SRGAP3: variants seen among roughly 807,000 people sequenced by gnomAD.
SRGAP3 encodes SLIT-ROBO Rho GTPase-activating protein 3.
SRGAP3 carries 39 observed loss-of-function variants against 121.1 expected under a neutral mutation model. That is an observed-to-expected ratio of 0.32 (90% CI 0.25 to 0.42). SRGAP3 has a LOEUF of 0.42. Ranked by LOEUF, SRGAP3 falls within the 10% of genes least tolerant of loss-of-function variation. The probability of loss-of-function intolerance (pLI) is 1.00; values close to 1 mark genes in which losing one functional copy is unlikely to be tolerated. For missense variants in SRGAP3, 1,213 were observed against 1,470.6 expected, an observed-to-expected ratio of 0.82 and a Z score of 2.86; for synonymous variants, 601 against 570.0, an observed-to-expected ratio of 1.05 and a Z score of -0.77.
intron 1 of SRGAP3, chr3:9,192,501 C>T (rs1232458302): frequency 1.3e-5 from 2 of 152,196 alleles, no homozygotes; most frequent in African/African-American, 2.4e-5. Flanking sequence ...TTGGGTTTCC[C>T]TGCTATGTTT....
chr3:9,347,779 C>T (rs760525341), intron 1 of SRGAP3, among the ~76,000 whole-genome samples: 12 of 152,268 alleles, frequency 7.9e-5, no homozygotes, highest in Middle Eastern at 3.4e-3. Flanking sequence ...ACAAAGCTTA[C>T]AAAAGGATGT....
intron 10 of SRGAP3, among the ~76,000 whole-genome samples, chr3:9,038,947 C>T (rs1944897673): frequency 1.3e-5 from 2 of 152,188 alleles, no homozygotes; most frequent in Admixed American, 6.5e-5. Context: ...ATCCTCATTT[C>T]TCTGCTCTTC....
rs755227276 is a variant in SRGAP3, at chr3:9,038,094, C to A, written c.1409-4G>T. ...GTGCCGCATTCTGCTCTTTCCCCTG[C>A]AAAGAAAAGTATACATGAATGTTTA... On this transcript the variant is annotated splice_polypyrimidine_tract_variant and splice_region_variant and intron_variant, in intron 10 of 21. Coordinates refer to ENST00000383836, the MANE Select transcript of SRGAP3 (RefSeq NM_014850.4). 6.2e-7 allele frequency: 1 copy of A among 1,614,158 alleles called. No homozygotes were observed. The highest frequency in any genetic ancestry group is 8.5e-7 in the Non-Finnish European group (1 of 1,180,026).
chr3:9,180,346 C>G (rs561429504), intron 1 of SRGAP3, among the ~76,000 whole-genome samples: 10 of 152,332 alleles, frequency 6.6e-5, no homozygotes, highest in Non-Finnish European at 1.0e-4. Flanking sequence ...ATAAGAGTTA[C>G]AGCAGGGTGA....
chr3:9,172,404 A>G (rs1951016059), intron 1 of SRGAP3, among the ~76,000 whole-genome samples: 1 of 152,132 alleles, frequency 6.6e-6, no homozygotes. Flanking sequence ...CACCTGCCCA[A>G]ATGACCTCAT....
At chr3:9,036,061 T>C (rs139003173) in intron 11 of SRGAP3, 18 of 152,360 alleles carry the variant, frequency 1.2e-4, no homozygotes, top group African/African-American at 4.1e-4. Context: ...GCTTTTAAAC[T>C]TAAGTGCATT....
At chr3:9,314,336 A>C (rs1333364608) in intron 3 of SRGAP3, among the ~76,000 whole-genome samples, 1 of 152,100 alleles carries the variant, frequency 6.6e-6, no homozygotes, top group African/African-American at 2.4e-5. Flanking sequence ...TGAGAGTATC[A>C]CTTGAGCCTG....
At chr3:9,359,458 AGCATGGACAACCATGCTCATGATTGAG>A (rs1184200079) in intron 1 of SRGAP3, among the ~76,000 whole-genome samples, 4 of 152,304 alleles carry the variant, frequency 2.6e-5, no homozygotes, top group Admixed American at 2.0e-4. Flanking sequence ...TCATGATTGA[AGCATGGACAACCATGCTCATGATTGAG>A]GCATGGACAA....
At chr3:9,048,549 G>A (rs752732257) in intron 9 of SRGAP3, among the ~76,000 whole-genome samples, 13 of 152,192 alleles carry the variant, frequency 8.5e-5, no homozygotes, top group Non-Finnish European at 1.5e-4. Context: ...AGCTGAGCAC[G>A]GTGACTCACA....
intron 1 of SRGAP3, among the ~76,000 whole-genome samples, chr3:9,231,652 A>G (rs1278153570): frequency 6.6e-6 from 1 of 152,216 alleles, no homozygotes; most frequent in Non-Finnish European, 1.5e-5. Context: ...GAATTCGGGA[A>G]TGAATAAAAC....
intron 14 of SRGAP3, among the ~76,000 whole-genome samples, chr3:9,023,980 C>T (rs1267700175): frequency 6.6e-6 from 1 of 152,180 alleles, no homozygotes; most frequent in Non-Finnish European, 1.5e-5. Flanking sequence ...ATGCTTCCTC[C>T]ACCGCAGGAT....
At chr3:9,242,616 C>G (rs1038146135) in intron 1 of SRGAP3, among the ~76,000 whole-genome samples, 2 of 152,230 alleles carry the variant, frequency 1.3e-5, no homozygotes, top group Non-Finnish European at 2.9e-5. Flanking sequence ...GGCTGGAAGA[C>G]AGAGCAAGAC....
intron 15 of SRGAP3, 199 bp from the exon 16 acceptor site, chr3:9,014,041 G>A (rs1943508935): frequency 4.7e-6 from 3 of 643,008 alleles, no homozygotes; most frequent in South Asian, 1.7e-5. Flanking sequence ...CTGGAGGTGT[G>A]GCCTAATCAA....
At chr3:9,333,456 T>C (rs1955641858) in intron 1 of SRGAP3, among the ~76,000 whole-genome samples, 1 of 152,216 alleles carries the variant, frequency 6.6e-6, no homozygotes. Flanking sequence ...CCTTTGTTGA[T>C]TTCAATCGCT....
chr3:9,105,907 A>G (rs143985506), intron 2 of SRGAP3, among the ~76,000 whole-genome samples: 2 of 152,238 alleles, frequency 1.3e-5, no homozygotes, highest in Non-Finnish European at 2.9e-5. Flanking sequence ...CTCAGAACAC[A>G]TTAGCCTACG....
chr3:9,223,121 C>T (rs1952868250), intron 1 of SRGAP3, among the ~76,000 whole-genome samples: 1 of 152,176 alleles, frequency 6.6e-6, no homozygotes, highest in Admixed American at 6.5e-5. Context: ...CAAACTACAG[C>T]CCATGAGTCA....
chr3:8,987,278 G>A (rs1941768629), intron 21 of SRGAP3, among the ~76,000 whole-genome samples: 2 of 152,202 alleles, frequency 1.3e-5, no homozygotes, highest in Non-Finnish European at 2.9e-5. Context: ...ACCTGCTCAG[G>A]CTCAGCTGAG....
chr3:9,329,188 A>T (rs2125285391), intron 2 of SRGAP3, among the ~76,000 whole-genome samples: 2 of 152,322 alleles, frequency 1.3e-5, no homozygotes, highest in Middle Eastern at 6.8e-3. Flanking sequence ...TCTTTTGCAT[A>T]ATCAAAACTT....
chr3:9,152,119 C>T (rs1299126766), intron 1 of SRGAP3, among the ~76,000 whole-genome samples: 1 of 152,254 alleles, frequency 6.6e-6, no homozygotes, highest in Non-Finnish European at 1.5e-5. Context: ...TGATTCACTG[C>T]TGTATCCCCT....
Sources: allele counts gnomAD v4.1 joint callset (sites outside exome capture counted in the v4.1 genomes callset), GRCh38; gene constraint gnomAD v4.1.1; transcripts MANE v1.5; gene names NCBI Gene and HGNC (gene_info 2026-07-23, HGNC 2026-07-21).